Variants in R3HDM2 observed in about 807,000 individuals in gnomAD.
R3HDM2 encodes the protein R3H domain containing 2, also known as R3H domain-containing protein 2.
Under a neutral mutation model 124.5 loss-of-function variants are expected in R3HDM2, and 38 were observed. The ratio of observed to expected loss-of-function variants is 0.31; its 90% CI spans 0.24 to 0.40. The LOEUF is 0.40. Ranked by LOEUF, R3HDM2 falls within the 10% of genes least tolerant of loss-of-function variation. R3HDM2 has a pLI of 1.00. For synonymous variants in R3HDM2, 391 were observed against 448.0 expected (o/e 0.87, Z 1.61); for missense variants, 869 against 1,236.9 (o/e 0.70, Z 4.46).
chr12:57,255,176 G>T, intron 23 of R3HDM2, 63 bp from the exon 24 acceptor site: 1 of 1,353,684 alleles, frequency 7.4e-7, no homozygotes, highest in Non-Finnish European at 1.0e-6. Flanking sequence ...CTTGACAGCA[G>T]CCCAGCAGAG....
At chr12:57,279,449 C>T (rs535548208) in intron 14 of R3HDM2, among the ~76,000 whole-genome samples, 1 of 150,486 alleles carries the variant, frequency 6.6e-6, no homozygotes, top group South Asian at 2.1e-4. Context: ...TCCCAAAGTG[C>T]TGGGATTACA....
intron 5 of R3HDM2, among the ~76,000 whole-genome samples, 165 bp downstream of exon 5, chr12:57,299,930 C>T (rs1022799897): frequency 6.6e-6 from 1 of 151,962 alleles, no homozygotes; most frequent in Non-Finnish European, 1.5e-5. Flanking sequence ...CCACTGGAAC[C>T]CACAGCTGGG....
At chr12:57,358,630 T>C (rs1305403801) in intron 2 of R3HDM2, among the ~76,000 whole-genome samples, 1 of 147,066 alleles carries the variant, frequency 6.8e-6, no homozygotes, top group African/African-American at 2.5e-5. Flanking sequence ...GGTGACAGAA[T>C]GAGACTCCAT....
intron 1 of R3HDM2, chr12:57,430,478 G>GCC: frequency 2.1e-6 from 2 of 944,258 alleles, no homozygotes; most frequent in Non-Finnish European, 2.5e-6. Flanking sequence ...CACAGGTGGC[G>GCC]CCACCCCCCT....
At chr12:57,300,635 C>G (rs10747778) in intron 4 of R3HDM2, among the ~76,000 whole-genome samples, 67,905 of 152,024 alleles carry the variant, frequency 0.45, 15,723 homozygotes, top group South Asian at 0.52. Flanking sequence ...TGTTTTTCCT[C>G]AGGAAAATGG....
intron 2 of R3HDM2, among the ~76,000 whole-genome samples, chr12:57,366,724 C>A (rs2137789199): frequency 6.6e-6 from 1 of 152,226 alleles, no homozygotes; most frequent in East Asian, 1.9e-4. Flanking sequence ...GAGTCTCGCT[C>A]TGTTGCCCAG....
intron 5 of R3HDM2, among the ~76,000 whole-genome samples, chr12:57,299,705 G>A (rs1004300567): frequency 1.3e-5 from 2 of 152,150 alleles, no homozygotes; most frequent in African/African-American, 2.4e-5. Context: ...TACACAGGCC[G>A]TTCTTGGCAC....
intron 6 of R3HDM2, among the ~76,000 whole-genome samples, chr12:57,298,868 C>T (rs182228183): frequency 1.3e-5 from 2 of 152,108 alleles, no homozygotes; most frequent in East Asian, 1.9e-4. Context: ...GTGGCTGAGG[C>T]AAGAAAATCG....
chr12:57,430,489 G>GGCCCCCCA, intron 1 of R3HDM2: 2 of 790,578 alleles, frequency 2.5e-6, no homozygotes, highest in Non-Finnish European at 3.1e-6. Flanking sequence ...CCACCCCCCT[G>GGCCCCCCA]CCCCCGCACC....
At chr12:57,311,621 C>T (rs2139114566) in intron 2 of R3HDM2, among the ~76,000 whole-genome samples, 1 of 152,232 alleles carries the variant, frequency 6.6e-6, no homozygotes, top group Non-Finnish European at 1.5e-5. Flanking sequence ...GATCCTCCCA[C>T]CTCAGCCTCC....
At chr12:57,425,934 T>G (rs1488072991) in intron 1 of R3HDM2, among the ~76,000 whole-genome samples, 2 of 150,488 alleles carry the variant, frequency 1.3e-5, no homozygotes, top group Admixed American at 1.3e-4. Flanking sequence ...ACCAAGAAAC[T>G]AAGGAAAGAT....
chr12:57,299,508 G>T, intron 5 of R3HDM2, 30 bp from the exon 6 acceptor site: 1 of 1,532,928 alleles, frequency 6.5e-7, no homozygotes, highest in Non-Finnish European at 8.8e-7. Flanking sequence ...ATCAAAGGGG[G>T]AAAAAGATTT....
rs150717466 is a variant in R3HDM2, at chr12:57,400,548, G to A, written c.-105-4730C>T. 7.2e-5 allele frequency among the ~76,000 whole-genome samples: 11 copies of A among 151,936 alleles called. No homozygotes were observed. The East Asian group carries it at 1.7e-3, about 24-fold the overall frequency. On this transcript the variant is annotated intron_variant, in intron 1 of 23. Coordinates refer to ENST00000402412, the MANE Select transcript of R3HDM2 (RefSeq NM_001394031.1). ...GTATACATATATAACAAACCCGCAC[G>A]TTGTGCACATGTACCCTAGAACTTA...
intron 3 of R3HDM2, among the ~76,000 whole-genome samples, chr12:57,307,400 C>T (rs2052885327): frequency 6.6e-6 from 1 of 151,610 alleles, no homozygotes; most frequent in Admixed American, 6.6e-5. Context: ...GCCACTGCAA[C>T]CTCTGCCTCC....
At chr12:57,305,903 A>G (rs965788298) in intron 3 of R3HDM2, among the ~76,000 whole-genome samples, 2 of 152,238 alleles carry the variant, frequency 1.3e-5, no homozygotes, top group African/African-American at 4.8e-5. Context: ...ATAGTTCTGT[A>G]AGGATGACAG....
chr12:57,360,996 G>A (rs1440924776), intron 2 of R3HDM2, among the ~76,000 whole-genome samples: 2 of 135,094 alleles, frequency 1.5e-5, no homozygotes, highest in Non-Finnish European at 3.1e-5. Flanking sequence ...AGCTTGCGGT[G>A]AGCGGAGATG....
chr12:57,329,440 T>G (rs1198054664), intron 2 of R3HDM2, among the ~76,000 whole-genome samples: 1 of 152,166 alleles, frequency 6.6e-6, no homozygotes, highest in Non-Finnish European at 1.5e-5. Context: ...ATCTGTAGGA[T>G]AGGCATGATA....
chr12:57,271,312 G>A (rs1480462535), intron 14 of R3HDM2, among the ~76,000 whole-genome samples: 1 of 152,230 alleles, frequency 6.6e-6, no homozygotes, highest in Non-Finnish European at 1.5e-5. Context: ...TGGCCAGGCT[G>A]TAATTGCCTT....
intron 1 of R3HDM2, among the ~76,000 whole-genome samples, chr12:57,417,993 G>T (rs766922204): frequency 3.9e-5 from 6 of 152,242 alleles, no homozygotes; most frequent in African/African-American, 4.8e-5. Flanking sequence ...CCCTATCACA[G>T]ATTAAACCTT....
Sources: allele counts gnomAD v4.1 joint callset (sites outside exome capture counted in the v4.1 genomes callset), GRCh38; gene constraint gnomAD v4.1.1; transcripts MANE v1.5; gene names NCBI Gene and HGNC (gene_info 2026-07-23, HGNC 2026-07-21).